Variants in DGKB observed in about 807,000 individuals in gnomAD.
DGKB encodes diacylglycerol kinase beta, also known as 90 kDa diacylglycerol kinase.
In DGKB, 67 loss-of-function variants were observed where a neutral mutation model predicts 114.3. That is an observed-to-expected ratio of 0.59 (90% CI 0.48 to 0.72). The LOEUF (loss-of-function observed/expected upper bound fraction) is 0.72, where lower values mean the gene tolerates loss of function less well. DGKB is among the 30% of genes least tolerant of loss of function. The probability of loss-of-function intolerance (pLI) is 0.00; values close to 1 mark genes in which losing one functional copy is unlikely to be tolerated. For synonymous variants in DGKB, 398 were observed against 323.1 expected (o/e 1.23, Z -2.49); for missense variants, 907 against 975.2 (o/e 0.93, Z 0.93).
chr7:14,888,099 T>C (rs993752611), intron 1 of DGKB, among the ~76,000 whole-genome samples: 2 of 151,838 alleles, frequency 1.3e-5, no homozygotes, highest in Non-Finnish European at 2.9e-5. Context: ...AAGGTGTAAA[T>C]CTAGTAAAAA....
chr7:14,265,817 C>A (rs1404140581), intron 23 of DGKB, among the ~76,000 whole-genome samples: 1 of 152,142 alleles, frequency 6.6e-6, no homozygotes, highest in Non-Finnish European at 1.5e-5. Context: ...ATGATTGGGC[C>A]AAGTACTTGT....
At chr7:14,209,372 A>T (rs1282838879) in intron 23 of DGKB, 1 of 458,768 alleles carries the variant, frequency 2.2e-6, no homozygotes, top group African/African-American at 2.0e-5. Flanking sequence ...AAAGATACAG[A>T]CACTGCTTGC....
intron 2 of DGKB, among the ~76,000 whole-genome samples, chr7:14,829,494 A>G (rs1846129344): frequency 6.6e-6 from 1 of 152,154 alleles, no homozygotes; most frequent in African/African-American, 2.4e-5. Context: ...AGGGAGGAGG[A>G]AAAGCTCTCT....
At chr7:14,842,527 A>T (rs1306142434) in intron 1 of DGKB, among the ~76,000 whole-genome samples, 2 of 152,206 alleles carry the variant, frequency 1.3e-5, no homozygotes, top group African/African-American at 4.8e-5. Context: ...AAGGGCAACC[A>T]TGGGTTTGGG....
At chr7:14,956,950 C>G (rs942640753) in intron 1 of DGKB, among the ~76,000 whole-genome samples, 1 of 151,848 alleles carries the variant, frequency 6.6e-6, no homozygotes, top group African/African-American at 2.4e-5. Context: ...TCCCTCCAAC[C>G]CAACCTTCAC....
At chr7:14,857,832 A>T (rs1850410469) in intron 1 of DGKB, among the ~76,000 whole-genome samples, 1 of 152,042 alleles carries the variant, frequency 6.6e-6, no homozygotes, top group Non-Finnish European at 1.5e-5. Context: ...ACTTTATTTA[A>T]ATGTATCAAT....
intron 1 of DGKB, among the ~76,000 whole-genome samples, chr7:14,933,216 AATTATTTTCTATTCG>A (rs1785117745): frequency 1.3e-5 from 2 of 152,118 alleles, no homozygotes; most frequent in South Asian, 2.1e-4. Context: ...AAACATCACT[AATTATTTTCTATTCG>A]ATTATTTTCT....
rs536567916 is a variant in DGKB, at chr7:14,463,592, T to C, written c.1835+14569A>G. On this transcript the variant is annotated intron_variant, in intron 21 of 25. Coordinates refer to ENST00000402815, the MANE Select transcript of DGKB (RefSeq NM_001350709.2). ...CTTTTCCCCACTAAGCTATAAACTC[T>C]AAGTGGTTGGAATGGTGTTAAACTC... Among the ~76,000 whole-genome samples the C allele has an allele frequency of 5.3e-5, 8 of 152,256 alleles. No homozygotes were observed. In the East Asian group the frequency reaches 1.5e-3, roughly 29 times the overall value.
intron 4 of DGKB, among the ~76,000 whole-genome samples, chr7:14,749,012 T>G (rs1012992285): frequency 3.3e-5 from 5 of 151,232 alleles, no homozygotes; most frequent in Admixed American, 6.6e-5. Context: ...TTAATCAGAG[T>G]TTTTTTTACA....
At chr7:14,164,890 T>C (rs1479091549) in intron 25 of DGKB, among the ~76,000 whole-genome samples, 4 of 152,178 alleles carry the variant, frequency 2.6e-5, no homozygotes, top group Non-Finnish European at 5.9e-5. Flanking sequence ...TATCACTAAA[T>C]GTGATATATG....
At chr7:14,567,261 T>TTATATATA (rs1563533840) in intron 20 of DGKB, among the ~76,000 whole-genome samples, 2 of 47,364 alleles carry the variant, frequency 4.2e-5, no homozygotes, top group African/African-American at 1.8e-4. Flanking sequence ...TATATTTATA[T>TTATATATA]ATTATATATA....
chr7:14,920,865 T>A (rs2358044), intron 1 of DGKB, among the ~76,000 whole-genome samples: 38,755 of 151,914 alleles, frequency 0.26, 8,138 homozygotes, highest in East Asian at 0.81. Context: ...TAAACTTACA[T>A]GTATTTTTCT....
At chr7:14,961,074 C>CA (rs149605767) in intron 1 of DGKB, among the ~76,000 whole-genome samples, 3,524 of 152,108 alleles carry the variant, frequency 0.023, 125 homozygotes, top group African/African-American at 0.074. Flanking sequence ...AAAAAGCATA[C>CA]AAATCTATTT....
chr7:14,454,544 T>C (rs1164418836), intron 21 of DGKB, among the ~76,000 whole-genome samples: 2 of 152,086 alleles, frequency 1.3e-5, no homozygotes, highest in African/African-American at 4.8e-5. Flanking sequence ...TAAATCTAAA[T>C]TTTGTGCTCT....
At chr7:14,282,545 C>A (rs1418023755) in intron 23 of DGKB, among the ~76,000 whole-genome samples, 1 of 151,848 alleles carries the variant, frequency 6.6e-6, no homozygotes, top group Admixed American at 6.6e-5. Flanking sequence ...CAAAGCCGGG[C>A]AGAGACACAA....
chr7:14,970,959 A>AT lies in DGKB; in HGVS notation c.-188+3736dup, dbSNP rs1384365792. Among the ~76,000 whole-genome samples, 6 of 152,114 alleles carry AT rather than the reference A, an allele frequency of 3.9e-5. No homozygotes were observed. The East Asian group carries it at 1.2e-3, about 29-fold the overall frequency. On this transcript the variant is annotated intron_variant, in intron 1 of 4. Transcript: ENST00000437998. ...GAAGGTGTCACAGAATTCTTGAACC[A>AT]TTTTTTTGTAAAGCCCTAAAGTTTC...
At chr7:14,244,930 G>A (rs977197056) in intron 23 of DGKB, among the ~76,000 whole-genome samples, 2 of 152,044 alleles carry the variant, frequency 1.3e-5, no homozygotes, top group African/African-American at 4.8e-5. Flanking sequence ...TACTATTTTT[G>A]TTATAACAGC....
chr7:14,686,207 T>G (rs1195931057), intron 9 of DGKB, among the ~76,000 whole-genome samples: 1 of 152,168 alleles, frequency 6.6e-6, no homozygotes, highest in Admixed American at 6.5e-5. Context: ...TAAAACTCTC[T>G]ATATCATAAT....
At chr7:14,628,326 G>A (rs1054141824) in intron 14 of DGKB, among the ~76,000 whole-genome samples, 1 of 95,066 alleles carries the variant, frequency 1.1e-5, no homozygotes, top group Non-Finnish European at 2.4e-5. Flanking sequence ...TGTGTGTGTG[G>A]TGTGTATGAG....
Sources: gnomAD v4.1 joint callset for allele counts (sites outside exome capture counted in the v4.1 genomes callset) on GRCh38, gnomAD v4.1.1 for gene constraint, MANE v1.5 for transcripts, NCBI Gene and HGNC (gene_info 2026-07-23, HGNC 2026-07-21) for gene names.